Variants in MAGI2 observed in about 807,000 individuals in gnomAD.
MAGI2 encodes membrane associated guanylate kinase, WW and PDZ domain containing 2, also known as membrane-associated guanylate kinase, WW and PDZ domain-containing protein 2.
MAGI2 carries 35 observed loss-of-function variants against 133.3 expected under a neutral mutation model. The ratio of observed to expected loss-of-function variants is 0.26; its 90% CI spans 0.20 to 0.35. MAGI2 has a LOEUF of 0.35. Ranked by LOEUF, MAGI2 falls within the 10% of genes least tolerant of loss-of-function variation. The pLI is 1.00. For synonymous variants in MAGI2, 729 were observed against 710.6 expected (o/e 1.03, Z -0.41); for missense variants, 1,636 against 1,863.4 (o/e 0.88, Z 2.25).
At position 78,559,781 on chromosome 7, in the gene MAGI2, T is replaced by C. The variant is rs149648879; in HGVS notation, c.539-38136A>G. 3.3e-5 allele frequency among the ~76,000 whole-genome samples: 5 copies of C among 152,308 alleles called. No individual in the cohort carries two copies. The East Asian group carries it at 5.8e-4, about 18-fold the overall frequency. ...ATAGTCACATCCCTGCCTTGAGAAG[T>C]GTTTAATTTTTGATAAAACTGATAT... is the stretch of plus-strand genomic sequence containing the variant. On this transcript the variant is annotated intron_variant, in intron 3 of 21. Transcript: ENST00000354212.
At chr7:78,023,601 A>G (rs910899056) in intron 21 of MAGI2, among the ~76,000 whole-genome samples, 4 of 152,180 alleles carry the variant, frequency 2.6e-5, no homozygotes, top group African/African-American at 9.7e-5. Context: ...CCCTTTGTCC[A>G]ATGTCCCCAG....
intron 5 of MAGI2, among the ~76,000 whole-genome samples, chr7:78,496,463 G>A (rs1013127131): frequency 3.5e-4 from 54 of 152,188 alleles, no homozygotes; most frequent in Non-Finnish European, 1.0e-4. Context: ...GATTCCCAAA[G>A]CACGTCAATC....
At chr7:78,626,771 G>A (rs1044662187) in intron 3 of MAGI2, among the ~76,000 whole-genome samples, 4 of 151,308 alleles carry the variant, frequency 2.6e-5, no homozygotes, top group Non-Finnish European at 5.9e-5. Context: ...AGATAAAGAC[G>A]TTTTATCTGA....
chr7:79,270,473 C>A (rs991110143), intron 1 of MAGI2, among the ~76,000 whole-genome samples: 13 of 152,252 alleles, frequency 8.5e-5, no homozygotes, highest in African/African-American at 2.9e-4. Flanking sequence ...AATCTGTGAT[C>A]ATCAATTATG....
intron 2 of MAGI2, among the ~76,000 whole-genome samples, chr7:78,839,796 A>G (rs1302801817): frequency 6.6e-6 from 1 of 152,114 alleles, no homozygotes; most frequent in African/African-American, 2.4e-5. Flanking sequence ...TTTATAGTCA[A>G]CTAAAATCTA....
At chr7:78,525,296 A>G (rs1796854532) in intron 3 of MAGI2, among the ~76,000 whole-genome samples, 1 of 152,178 alleles carries the variant, frequency 6.6e-6, no homozygotes, top group African/African-American at 2.4e-5. Context: ...TAATTCATAG[A>G]GAATAAGGTA....
chr7:79,277,064 G>A (rs1244179683), intron 1 of MAGI2, among the ~76,000 whole-genome samples: 2 of 152,112 alleles, frequency 1.3e-5, no homozygotes, highest in Non-Finnish European at 2.9e-5. Flanking sequence ...AAGTTCTACT[G>A]TAGGTAAAAT....
At chr7:79,071,907 G>A (rs1297010306) in intron 1 of MAGI2, among the ~76,000 whole-genome samples, 2 of 152,126 alleles carry the variant, frequency 1.3e-5, no homozygotes, top group Non-Finnish European at 2.9e-5. Flanking sequence ...CCGTGGGGGT[G>A]GGACCCACTG....
intron 10 of MAGI2, among the ~76,000 whole-genome samples, chr7:78,206,796 A>G (rs931644263): frequency 7.5e-4 from 115 of 152,346 alleles, no homozygotes; most frequent in African/African-American, 2.7e-3. Context: ...GGGATTCTGC[A>G]GTTACTAAAT....
At chr7:78,240,882 T>G (rs926017502) in intron 10 of MAGI2, among the ~76,000 whole-genome samples, 2 of 146,658 alleles carry the variant, frequency 1.4e-5, no homozygotes, top group Non-Finnish European at 3.0e-5. Flanking sequence ...AAACATCATG[T>G]ACACAATAAA....
chr7:78,750,690 G>T (rs1408921250), intron 2 of MAGI2, among the ~76,000 whole-genome samples: 1 of 152,138 alleles, frequency 6.6e-6, no homozygotes, highest in African/African-American at 2.4e-5. Context: ...GAACAGATAT[G>T]GTGGGCTAGA....
intron 13 of MAGI2, among the ~76,000 whole-genome samples, chr7:78,179,515 T>A (rs1826981969): frequency 6.6e-6 from 1 of 152,220 alleles, no homozygotes; most frequent in South Asian, 2.1e-4. Context: ...TTCTGAGACG[T>A]GGGCAAATGC....
At chr7:78,281,756 G>A (rs902622322) in intron 9 of MAGI2, among the ~76,000 whole-genome samples, 16 of 151,020 alleles carry the variant, frequency 1.1e-4, no homozygotes, top group Non-Finnish European at 2.2e-4. Context: ...TTTTCCAGGT[G>A]ATATTTAACC....
chr7:78,272,814 T>G (rs563450334), intron 9 of MAGI2, among the ~76,000 whole-genome samples: 1 of 152,314 alleles, frequency 6.6e-6, no homozygotes, highest in South Asian at 2.1e-4. Flanking sequence ...TCCATCCCTT[T>G]ATTTTGAGTC....
At chr7:78,124,032 C>T (rs774275432) in intron 20 of MAGI2, among the ~76,000 whole-genome samples, 3 of 152,178 alleles carry the variant, frequency 2.0e-5, no homozygotes, top group Non-Finnish European at 2.9e-5. Context: ...TATCCAGCAG[C>T]GAGTCATTTA....
At chr7:78,291,429 G>A (rs1796698562) in intron 9 of MAGI2, among the ~76,000 whole-genome samples, 1 of 152,152 alleles carries the variant, frequency 6.6e-6, no homozygotes, top group African/African-American at 2.4e-5. Context: ...CTGAAATTGA[G>A]GCAATAATTA....
chr7:78,929,666 G>C (rs560196225), intron 2 of MAGI2, among the ~76,000 whole-genome samples: 1 of 151,974 alleles, frequency 6.6e-6, no homozygotes, highest in African/African-American at 2.4e-5. Flanking sequence ...GGTTCCTTCT[G>C]GGTCCCTCTT....
chr7:78,730,319 A>T (rs1290899899), intron 2 of MAGI2, among the ~76,000 whole-genome samples: 1 of 151,952 alleles, frequency 6.6e-6, no homozygotes, highest in African/African-American at 2.4e-5. Context: ...AAACAAGTTA[A>T]TAATACTTTG....
chr7:78,988,662 T>C (rs1805484592), intron 2 of MAGI2, among the ~76,000 whole-genome samples: 2 of 152,156 alleles, frequency 1.3e-5, no homozygotes, highest in African/African-American at 2.4e-5. Context: ...AACTTGGTGA[T>C]ATTTTACATG....
Sources: gnomAD v4.1 joint callset for allele counts (sites outside exome capture counted in the v4.1 genomes callset) on GRCh38, gnomAD v4.1.1 for gene constraint, MANE v1.5 for transcripts, NCBI Gene and HGNC (gene_info 2026-07-23, HGNC 2026-07-21) for gene names.